CEP68: variants seen among roughly 807,000 people sequenced by gnomAD.
CEP68 encodes the protein centrosomal protein of 68 kDa.
Under a neutral mutation model 55.3 loss-of-function variants are expected in CEP68, and 26 were observed. The observed-to-expected ratio is 0.47, with a 90% confidence interval of 0.34 to 0.65. The LOEUF (loss-of-function observed/expected upper bound fraction) is 0.65. CEP68 is among the 30% of genes least tolerant of loss of function. The probability of loss-of-function intolerance (pLI) is 0.01; values close to 1 mark genes in which losing one functional copy is unlikely to be tolerated. For missense variants in CEP68, 957 were observed against 946.7 expected (o/e 1.01, Z -0.14); for synonymous variants, 402 against 383.2 (o/e 1.05, Z -0.57).
At position 65,072,416 on chromosome 2, in the gene CEP68, A is replaced by ACGGGACAGAGGGTGGCCCTCGCC. The variant is rs752444166; in HGVS notation, c.1322_1344dup (p.Arg449GlyfsTer49). The stretch of plus-strand genomic sequence containing the variant: ...ATATGGGCTCTCCCCAGCTAAGGAC[A>ACGGGACAGAGGGTGGCCCTCGCC]CGGGACAGAGGGTGGCCCTCGCCCA... On this transcript the variant is annotated frameshift_variant, in exon 3 of 7. Transcript: ENST00000377990. LOFTEE classifies it high-confidence loss of function. 1 of 1,614,028 alleles carries ACGGGACAGAGGGTGGCCCTCGCC rather than the reference A, an allele frequency of 6.2e-7. No individual in the cohort carries two copies. Among genetic ancestry groups the ACGGGACAGAGGGTGGCCCTCGCC allele is most frequent in the East Asian group, 2.2e-5 (1 of 44,882 alleles).
Position 65,072,723 on chromosome 2 carries a change from G to A in CEP68, c.1627G>A (p.Ala543Thr). Residue 543 changes from alanine (A) to threonine (T), a missense_variant, in exon 3 of 7, where the codon GCT (alanine) becomes ACT (threonine). By Grantham distance (58) the Ala-to-Thr change is moderately conservative. Transcript: ENST00000377990. ...CAGCCAAAGCCAGCTTCCCCCTGGA[G>A]CTGCCCTCCAAGGATCTGGGGATCC... is the stretch of plus-strand genomic sequence containing the variant. ...SSSQSQLPPG[A>T]ALQGSGDPEG... is the part of the protein sequence containing the mutation. 1 of 1,614,120 alleles carries A rather than the reference G, an allele frequency of 6.2e-7. No homozygotes were observed. The highest frequency in any genetic ancestry group is 1.1e-5 in the South Asian group (1 of 91,082).
intron 5 of CEP68, among the ~76,000 whole-genome samples, chr2:65,081,603 G>C (rs1405760619): frequency 6.6e-6 from 1 of 152,230 alleles, no homozygotes; most frequent in Non-Finnish European, 1.5e-5. Context: ...TGTGTGAGAT[G>C]CACTCTGACC....
intron 1 of CEP68, among the ~76,000 whole-genome samples, chr2:65,066,813 A>G (rs1386258671): frequency 6.8e-6 from 1 of 148,002 alleles, no homozygotes; most frequent in Non-Finnish European, 1.5e-5. Context: ...ACATGCCTGT[A>G]ATCCCAGCTG....
intron 1 of CEP68, among the ~76,000 whole-genome samples, chr2:65,068,105 C>A (rs562668485): frequency 2.6e-5 from 4 of 152,150 alleles, no homozygotes; most frequent in Non-Finnish European, 5.9e-5. Context: ...CACATTTAAG[C>A]TTTGAGGTTG....
At chr2:65,077,155 C>G (rs1470960663) in intron 4 of CEP68, among the ~76,000 whole-genome samples, 1 of 151,890 alleles carries the variant, frequency 6.6e-6, no homozygotes, top group Admixed American at 6.6e-5. Flanking sequence ...ACCACCACAC[C>G]CGGCTAATTT....
At position 65,069,546 on chromosome 2, in the gene CEP68, AGGGCCCATGAGTG is replaced by A. The variant is rs1676356497; in HGVS notation, c.106_118del (p.Pro36SerfsTer52). 1.9e-6 allele frequency: 3 copies of A among 1,608,932 alleles called. No homozygotes were observed. The highest frequency in any genetic ancestry group is 2.5e-6 in the Non-Finnish European group (3 of 1,176,790). On this transcript the variant is annotated frameshift_variant, in exon 2 of 7. Transcript: ENST00000377990. LOFTEE classifies it high-confidence loss of function. Reference sequence around the variant, plus strand: ...GCAGGGAGCGGGAGCTGGACATCCCAGGGCCCATGAGTGGGGAGCAGCCCCCACGCCTGGAAGC... The same window carrying A: ...GCAGGGAGCGGGAGCTGGACATCCCAGGGAGCAGCCCCCACGCCTGGAAGC...
chr2:65,080,416 G>A, intron 5 of CEP68: 1 of 985,376 alleles, frequency 1.0e-6, no homozygotes, highest in African/African-American at 1.7e-5. Flanking sequence ...TCTTCCGCCA[G>A]GAGCATGCTG....
chr2:65,083,414 A>G lies in CEP68; in HGVS notation c.*5-225A>G, dbSNP rs79169614. 7.3e-3 allele frequency among the ~76,000 whole-genome samples: 1,110 copies of G among 152,330 alleles called. 14 individuals are homozygous for G. The highest frequency in any genetic ancestry group is 0.026 in the African/African-American group (1,062 of 41,590). The stretch of plus-strand genomic sequence containing the variant: ...TGCCAATGCTTTTCATAATTCTGCA[A>G]TTGGACTGTCGTACGTCGCTCCTAC... On this transcript the variant is annotated intron_variant, in intron 6 of 6. Transcript: ENST00000377990.
intron 5 of CEP68, 122 bp downstream of exon 5, chr2:65,078,086 C>T (rs750106053): frequency 3.8e-5 from 25 of 654,030 alleles, no homozygotes; most frequent in South Asian, 2.8e-4. Context: ...ACCCACTGCC[C>T]GAGATGCCCC....
intron 5 of CEP68, among the ~76,000 whole-genome samples, chr2:65,078,418 G>A (rs1473963692): frequency 6.6e-6 from 1 of 152,156 alleles, no homozygotes; most frequent in African/African-American, 2.4e-5. Context: ...TTCAGAAAAG[G>A]ATTGTATTGC....
Position 65,066,767 on chromosome 2 carries a change from T to C in CEP68, c.-46-2632T>C, listed in dbSNP as rs77261710. On this transcript the variant is annotated intron_variant, in intron 1 of 6. Coordinates refer to ENST00000377990, the MANE Select transcript of CEP68 (RefSeq NM_015147.3). ...AAAAATATATATATATATATATATA[T>C]ACACACACAAAAAAAAATTAGCTGG... Among the ~76,000 whole-genome samples, 238 of 69,430 alleles carry C rather than the reference T, an allele frequency of 3.4e-3. 3 individuals are homozygous for C. In the East Asian group the frequency reaches 0.036, roughly 11 times the overall value. 45.5% of individuals were successfully genotyped at this position (69,430 alleles called of 152,430 possible). A position where few individuals can be genotyped will look rare whatever the true frequency, so the allele number is the denominator to read the frequency against.
intron 3 of CEP68, 106 bp downstream of exon 3, chr2:65,073,086 A>G (rs771485479): frequency 2.4e-5 from 29 of 1,210,566 alleles, no homozygotes; most frequent in Non-Finnish European, 3.4e-5. Flanking sequence ...GGCACTTTTT[A>G]TGTGCCAGGC....
In CEP68 at chr2:65,086,935, C is replaced by T. The variant is rs1427643565; in HGVS notation, c.*3301C>T. The T allele has an allele frequency of 3.3e-5, 5 of 152,656 alleles. No individual in the cohort carries two copies. In the East Asian group the frequency reaches 9.6e-4, roughly 29 times the overall value. 9.5% of individuals were successfully genotyped at this position (152,656 alleles called of 1,614,324 possible). The stretch of plus-strand genomic sequence containing the variant: ...TCTGTCCATTTCATTTTACAATTAT[C>T]TTACCACTTATTTTTGTACCATGTA... On this transcript the variant is annotated 3_prime_UTR_variant, in exon 7 of 7. Transcript: ENST00000377990.
At chr2:65,068,377 G>C (rs985805499) in intron 1 of CEP68, among the ~76,000 whole-genome samples, 2 of 152,212 alleles carry the variant, frequency 1.3e-5, no homozygotes, top group East Asian at 3.9e-4. Flanking sequence ...TGAGTGCTCG[G>C]CCTGTGCTCC....
intron 1 of CEP68, among the ~76,000 whole-genome samples, chr2:65,068,493 C>CACCACGTGCAGCATA: frequency 6.6e-6 from 1 of 152,316 alleles, no homozygotes; most frequent in East Asian, 1.9e-4. Flanking sequence ...TTCCCTCCAT[C>CACCACGTGCAGCATA]ACCACGTGCA....
rs117417135 is a variant in CEP68 at position 65,076,205 on chromosome 2, C to G, written c.2008-1663C>G. On this transcript the variant is annotated intron_variant, in intron 4 of 6. Coordinates refer to ENST00000377990, the MANE Select transcript of CEP68 (RefSeq NM_015147.3). ...CTCCACGTGCATGCACGCAGCTGTGCAGGGCCCAGGACCAGTACCACTACA... is the reference window on the plus strand; with the variant it reads ...CTCCACGTGCATGCACGCAGCTGTGGAGGGCCCAGGACCAGTACCACTACA... 1.1e-3 allele frequency among the ~76,000 whole-genome samples: 164 copies of G among 152,296 alleles called. 5 individuals carry two copies. In the East Asian group the frequency reaches 0.03, roughly 28 times the overall value.
chr2:65,072,696 T>C lies in CEP68; in HGVS notation c.1600T>C (p.Ser534Pro). 3.1e-6 allele frequency: 5 copies of C among 1,614,068 alleles called. No individual in the cohort carries two copies. Among genetic ancestry groups the C allele is most frequent in the Non-Finnish European group, 4.2e-6 (5 of 1,180,002 alleles). Residue 534 changes from serine (S) to proline (P), a missense_variant, in exon 3 of 7, where the codon TCC becomes CCC. Transcript: ENST00000377990. ...TGGGCCAGCTTCCTTCCCTTCAAGC[T>C]CCAGCCAAAGCCAGCTTCCCCCTGG... ...SDGPASFPSS[S>P]SQSQLPPGAA... is the part of the protein sequence containing the mutation.
chr2:65,061,128 C>T (rs1024356373), intron 1 of CEP68, among the ~76,000 whole-genome samples: 7 of 151,864 alleles, frequency 4.6e-5, no homozygotes, highest in Non-Finnish European at 1.0e-4. Context: ...AGTGAGATAG[C>T]ACCACTGCAC....
At position 65,080,690 on chromosome 2, in the gene CEP68, C is replaced by T. The variant is rs1485234476; in HGVS notation, c.2105-1846C>T. ...AAAATTAGCTGGGCATGGTGGCGGG[C>T]GCCTGTAATCCCAGCTACTCAGGAG... is the stretch of plus-strand genomic sequence containing the variant. On this transcript the variant is annotated intron_variant, in intron 5 of 6. Transcript: ENST00000377990. 2.7e-5 allele frequency: 8 copies of T among 291,874 alleles called. No homozygotes were observed. The Admixed American group carries it at 3.9e-4, about 14-fold the overall frequency. 18.1% of individuals were successfully genotyped at this position (291,874 alleles called of 1,614,324 possible). A position where few individuals can be genotyped will look rare whatever the true frequency, so the allele number is the denominator to read the frequency against.
Sources: gnomAD v4.1 joint callset for allele counts (sites outside exome capture counted in the v4.1 genomes callset) on GRCh38, gnomAD v4.1.1 for gene constraint, MANE v1.5 for transcripts, NCBI Gene and HGNC (gene_info 2026-07-23, HGNC 2026-07-21) for gene names.